Variants in MANEA observed in about 807,000 individuals in gnomAD.
MANEA encodes the protein mannosidase endo-alpha.
A neutral mutation model predicts 36.8 loss-of-function variants in MANEA; 25 were observed. The observed-to-expected ratio is 0.68, with a 90% confidence interval of 0.50 to 0.95. The LOEUF (loss-of-function observed/expected upper bound fraction) is 0.95. MANEA is among the 40% of genes least tolerant of loss of function. The pLI is 0.00. For missense variants in MANEA, 565 were observed against 558.8 expected (o/e 1.01, Z -0.11); for synonymous variants, 198 against 188.5 (o/e 1.05, Z -0.41).
chr6:95,591,913 A>G (rs187724345), intron 2 of MANEA, among the ~76,000 whole-genome samples: 1 of 152,320 alleles, frequency 6.6e-6, no homozygotes, highest in Non-Finnish European at 1.5e-5. Context: ...CATGTTGTCC[A>G]GTATGGTCTC....
chr6:95,596,640 C>A, intron 2 of MANEA, 97 bp from the exon 3 acceptor site: 1 of 644,810 alleles, frequency 1.6e-6, no homozygotes, highest in Non-Finnish European at 2.8e-6. Flanking sequence ...TAAATATGTT[C>A]TTCTATTGTT....
chr6:95,586,628 G>C lies in MANEA; in HGVS notation c.189G>C (p.Lys63Asn), dbSNP rs935746162. ...IHLGKNFDFQ[K>N]SDRINSETNT... The stretch of plus-strand genomic sequence containing the variant: ...TGGGGAAAAATTTTGATTTCCAAAA[G>C]AGTGACAGAATCAACAGTGAAACAA... The change falls in exon 2 of 5, where the codon AAG becomes AAC. Residue 63 changes from lysine to asparagine, a missense_variant. Transcript: ENST00000358812. 4 of 1,613,872 alleles carry C rather than the reference G, an allele frequency of 2.5e-6. No individual in the cohort carries two copies. The highest frequency in any genetic ancestry group is 3.4e-6 in the Non-Finnish European group (4 of 1,180,000).
chr6:95,584,658 C>G (rs556429940), intron 1 of MANEA, among the ~76,000 whole-genome samples: 5 of 152,208 alleles, frequency 3.3e-5, no homozygotes, highest in African/African-American at 1.2e-4. Context: ...CCTTTTTGCC[C>G]TTTGAAGTAT....
rs1769744568 is a variant in MANEA at position 95,607,839 on chromosome 6, C to G, written c.*1434C>G. 1.3e-5 allele frequency: 2 copies of G among 151,388 alleles called. No homozygotes were observed. The highest frequency in any genetic ancestry group is 4.2e-4 in the South Asian group (2 of 4,808). The allele number at this position is 151,388 out of a possible 1,614,324, so 9.4% of individuals were successfully genotyped here. A position where few individuals can be genotyped will look rare whatever the true frequency, so the allele number is the denominator to read the frequency against. On this transcript the variant is annotated 3_prime_UTR_variant, in exon 5 of 5. Coordinates refer to ENST00000358812, the MANE Select transcript of MANEA (RefSeq NM_024641.4). ...CATTAAGAAGAGCAATAGAATAATGCTAAAAAATAATGCCTATAAATCTTC... is the reference window on the plus strand; with the variant it reads ...CATTAAGAAGAGCAATAGAATAATGGTAAAAAATAATGCCTATAAATCTTC...
At position 95,586,871 on chromosome 6, in the gene MANEA, C is replaced by G. The variant is rs976453550; in HGVS notation, c.432C>G (p.His144Gln). 3 of 1,613,468 alleles carry G rather than the reference C, an allele frequency of 1.9e-6. No homozygotes were observed. The highest frequency in any genetic ancestry group is 2.5e-6 in the Non-Finnish European group (3 of 1,179,452). ...RIAKNYPQGR[H>Q]NPPDDIGSSF... ...CCAAGAATTATCCACAAGGGAGACA[C>G]AACCCTCCAGATGACATTGGCTCCA... Residue 144 changes from histidine (H) to glutamine (Q), a missense_variant, in exon 2 of 5, where the codon CAC (histidine) becomes CAG (glutamine). Coordinates refer to ENST00000358812, the MANE Select transcript of MANEA (RefSeq NM_024641.4).
intron 3 of MANEA, among the ~76,000 whole-genome samples, chr6:95,598,619 C>T (rs1480191474): frequency 6.6e-6 from 1 of 152,064 alleles, no homozygotes; most frequent in Non-Finnish European, 1.5e-5. Flanking sequence ...CTGTCCCATT[C>T]TGTTGTTTTA....
At chr6:95,578,902 A>C (rs937139438) in intron 1 of MANEA, among the ~76,000 whole-genome samples, 1 of 152,178 alleles carries the variant, frequency 6.6e-6, no homozygotes, top group African/African-American at 2.4e-5. Context: ...TGATTTGTCT[A>C]ATACCTTAAA....
intron 1 of MANEA, among the ~76,000 whole-genome samples, chr6:95,586,134 AG>A (rs1769275683): frequency 6.6e-6 from 1 of 152,224 alleles, no homozygotes; most frequent in South Asian, 2.1e-4. Context: ...AATTTCCTAA[AG>A]GTTCGTCTGA....
chr6:95,596,521 G>A (rs1400179785), intron 2 of MANEA, among the ~76,000 whole-genome samples: 2 of 152,126 alleles, frequency 1.3e-5, no homozygotes, highest in East Asian at 3.9e-4. Flanking sequence ...TGTAAAGTCT[G>A]TTCACTTTTA....
chr6:95,598,612 T>C lies in MANEA; in HGVS notation c.654+1766T>C, dbSNP rs373790572. ...TGGCAATGACGTGTTAATACTTCTG[T>C]CCCATTCTGTTGTTTTATCTACGGA... On this transcript the variant is annotated intron_variant, in intron 3 of 4. Coordinates refer to ENST00000358812, the MANE Select transcript of MANEA (RefSeq NM_024641.4). Among the ~76,000 whole-genome samples, 20 of 152,256 alleles carry C rather than the reference T, an allele frequency of 1.3e-4. No individual in the cohort carries two copies. The East Asian group carries it at 3.9e-3, about 29-fold the overall frequency.
At chr6:95,582,819 G>A (rs1437102060) in intron 1 of MANEA, among the ~76,000 whole-genome samples, 8 of 152,064 alleles carry the variant, frequency 5.3e-5, no homozygotes. Context: ...GTACATATAT[G>A]TATGAATATG....
At chr6:95,587,439 T>C (rs1454403336) in intron 2 of MANEA, 1 of 165,278 alleles carries the variant, frequency 6.1e-6, no homozygotes, top group Non-Finnish European at 1.4e-5. Context: ...GAAAACTGTA[T>C]ACATATCAGC....
intron 3 of MANEA, among the ~76,000 whole-genome samples, chr6:95,601,556 A>G (rs62417816): frequency 0.095 from 14,436 of 152,062 alleles, 802 homozygotes; most frequent in Non-Finnish European, 0.12. Flanking sequence ...AGCCTGGAGC[A>G]GAACCATCAT....
chr6:95,581,696 T>TTAA (rs1307186383), intron 1 of MANEA, among the ~76,000 whole-genome samples: 1 of 152,210 alleles, frequency 6.6e-6, no homozygotes, highest in African/African-American at 2.4e-5. Context: ...AATTTACATC[T>TTAA]TAAGATTTAT....
chr6:95,587,005 ATGTGTGTTTGTGTCTG>A, intron 2 of MANEA, 22 bp downstream of exon 2: 2 of 1,336,944 alleles, frequency 1.5e-6, no homozygotes, highest in Non-Finnish European at 2.1e-6. Flanking sequence ...ATATATATAT[ATGTGTGTTTGTGTCTG>A]TATATATGCA....
chr6:95,606,008 A>G lies in MANEA; in HGVS notation c.992A>G (p.Tyr331Cys), dbSNP rs780723017. Residue 331 changes from tyrosine to cysteine, a missense_variant, in exon 5 of 5, where the codon TAT becomes TGT. Coordinates refer to ENST00000358812, the MANE Select transcript of MANEA (RefSeq NM_024641.4). ...TATTTTGCCACAAATGGCTTTACTT[A>G]TGGCTCATCACATCAGAATTGGGCT... ...YTYFATNGFT[Y>C]GSSHQNWASL... The G allele has an allele frequency of 3.7e-6, 6 of 1,614,094 alleles. No homozygotes were observed. The highest frequency in any genetic ancestry group is 1.1e-5 in the South Asian group (1 of 91,090).
At chr6:95,593,029 A>G (rs1465511137) in intron 2 of MANEA, among the ~76,000 whole-genome samples, 1 of 152,214 alleles carries the variant, frequency 6.6e-6, no homozygotes, top group Non-Finnish European at 1.5e-5. Context: ...TAGTTTGCTA[A>G]TATTTCAAGA....
chr6:95,604,716 C>A, intron 3 of MANEA, 111 bp from the exon 4 acceptor site: 3 of 474,564 alleles, frequency 6.3e-6, no homozygotes, highest in Non-Finnish European at 1.1e-5. Flanking sequence ...AATAAATATT[C>A]ATCTTTAATT....
intron 1 of MANEA, 142 bp downstream of exon 1, chr6:95,577,780 G>T (rs1477936095): frequency 1.3e-5 from 2 of 152,274 alleles, no homozygotes; most frequent in Admixed American, 6.5e-5. Flanking sequence ...TTGACCCGGC[G>T]CCCCTCTGGC....
Sources: gnomAD v4.1 joint callset for allele counts (sites outside exome capture counted in the v4.1 genomes callset) on GRCh38, gnomAD v4.1.1 for gene constraint, MANE v1.5 for transcripts, NCBI Gene and HGNC (gene_info 2026-07-23, HGNC 2026-07-21) for gene names.